The following DLGAP2 variants were observed in gnomAD, a reference collection of about 807,000 sequenced individuals.
DLGAP2 encodes the protein DLG associated protein 2, also known as disks large-associated protein 2.
DLGAP2 carries 26 observed loss-of-function variants against 100.3 expected under a neutral mutation model. That is an observed-to-expected ratio of 0.26 (90% CI 0.19 to 0.36). The LOEUF is 0.36. DLGAP2 is among the 10% of genes least tolerant of loss of function. The probability of loss-of-function intolerance (pLI) is 1.00; values close to 1 mark genes in which losing one functional copy is unlikely to be tolerated. For missense variants in DLGAP2, 1,858 were observed against 1,453.2 expected (o/e 1.28, Z -4.53); for synonymous variants, 886 against 630.1 (o/e 1.41, Z -6.08).
At chr8:1,007,379 A>C (rs546360170) in intron 2 of DLGAP2, among the ~76,000 whole-genome samples, 2 of 152,310 alleles carry the variant, frequency 1.3e-5, no homozygotes, top group South Asian at 4.1e-4. Context: ...AGGGGGAGTG[A>C]AGCAGAAGGA....
In DLGAP2 at chr8:1,007,362, G is replaced by C. The variant is rs183160569; in HGVS notation, c.73+99396G>C. Among the ~76,000 whole-genome samples the C allele has an allele frequency of 3.2e-4, 48 of 152,322 alleles. No individual in the cohort carries two copies. The East Asian group carries it at 9.1e-3, about 29-fold the overall frequency. On this transcript the variant is annotated intron_variant, in intron 2 of 14. Transcript: ENST00000637795. ...CTCACTCTGGTGACTTCTGTGTGCT[G>C]TAACCAAGGGGGAGTGAAGCAGAAG...
intron 3 of DLGAP2, among the ~76,000 whole-genome samples, chr8:1,338,681 G>T (rs566489988): frequency 6.6e-6 from 1 of 152,096 alleles, no homozygotes; most frequent in Non-Finnish European, 1.5e-5. Flanking sequence ...CTAAAGACAC[G>T]ATCTGTACAG....
intron 2 of DLGAP2, among the ~76,000 whole-genome samples, chr8:1,038,129 G>A (rs78779066): frequency 0.017 from 2,585 of 152,260 alleles, 80 homozygotes; most frequent in African/African-American, 0.059. Context: ...ACAAGTGTTC[G>A]TCCCTCTGGA....
rs1025928507 is a variant in DLGAP2 at position 1,260,073 on chromosome 8, C to T, written c.106+1190C>T. 9.9e-5 allele frequency among the ~76,000 whole-genome samples: 15 copies of T among 152,034 alleles called. No individual in the cohort carries two copies. The East Asian group carries it at 2.5e-3, about 25-fold the overall frequency. ...TACAGTCAGGTGGGTGGGGGCTGTT[C>T]CCGGGTGGAGCCTGGGATGCTGGTC... On this transcript the variant is annotated intron_variant, in intron 3 of 14. Coordinates refer to ENST00000637795, the MANE Select transcript of DLGAP2 (RefSeq NM_001346810.2).
chr8:979,919 G>T (rs1376613461), intron 2 of DLGAP2, among the ~76,000 whole-genome samples: 1 of 152,176 alleles, frequency 6.6e-6, no homozygotes, highest in Non-Finnish European at 1.5e-5. Flanking sequence ...CACAGCTGTG[G>T]TAAGAAAGAG....
At chr8:836,761 A>G (rs1796885366) in intron 1 of DLGAP2, among the ~76,000 whole-genome samples, 2 of 152,166 alleles carry the variant, frequency 1.3e-5, no homozygotes. Flanking sequence ...TCATGTGAAC[A>G]CCACGTTAAC....
At chr8:1,687,744 G>A (rs995530850) in intron 12 of DLGAP2, among the ~76,000 whole-genome samples, 1 of 152,162 alleles carries the variant, frequency 6.6e-6, no homozygotes, top group Admixed American at 6.5e-5. Flanking sequence ...ATTTTAAGGG[G>A]AATGTGAAAA....
At chr8:1,028,415 T>C (rs1217096938) in intron 2 of DLGAP2, among the ~76,000 whole-genome samples, 2 of 148,922 alleles carry the variant, frequency 1.3e-5, no homozygotes, top group Admixed American at 6.6e-5. Flanking sequence ...GCGCCCCTTA[T>C]TCTCCAGGTG....
intron 2 of DLGAP2, among the ~76,000 whole-genome samples, chr8:1,227,570 T>C (rs1798448441): frequency 6.6e-6 from 1 of 152,006 alleles, no homozygotes; most frequent in African/African-American, 2.4e-5. Flanking sequence ...CCTGGCTCAC[T>C]GCAAACTCCA....
chr8:1,426,961 A>G (rs1797254559), intron 3 of DLGAP2, among the ~76,000 whole-genome samples: 1 of 152,216 alleles, frequency 6.6e-6, no homozygotes, highest in Non-Finnish European at 1.5e-5. Context: ...ATCAATAAAA[A>G]ATATTGTGTC....
intron 1 of DLGAP2, among the ~76,000 whole-genome samples, chr8:890,554 C>T (rs1489268333): frequency 6.6e-6 from 1 of 151,718 alleles, no homozygotes; most frequent in Admixed American, 6.6e-5. Flanking sequence ...ATGGCGCCTC[C>T]TCCTCCCTTC....
intron 2 of DLGAP2, among the ~76,000 whole-genome samples, chr8:1,091,391 C>G (rs1201826919): frequency 6.6e-6 from 1 of 152,240 alleles, no homozygotes; most frequent in Non-Finnish European, 1.5e-5. Flanking sequence ...GTTTCGCGGC[C>G]TCAGTGGATT....
chr8:1,495,672 A>G (rs935510423), intron 3 of DLGAP2, among the ~76,000 whole-genome samples: 4 of 151,910 alleles, frequency 2.6e-5, no homozygotes, highest in Non-Finnish European at 4.4e-5. Context: ...TGACGTGGAC[A>G]TCTTTGCCTC....
chr8:1,537,672 T>C (rs1328859865), intron 4 of DLGAP2, among the ~76,000 whole-genome samples: 2 of 151,566 alleles, frequency 1.3e-5, no homozygotes, highest in African/African-American at 2.4e-5. Flanking sequence ...TGCCTGTGGC[T>C]TCATGGATGC....
chr8:1,341,226 T>C (rs553092537), intron 3 of DLGAP2, among the ~76,000 whole-genome samples: 7 of 152,276 alleles, frequency 4.6e-5, no homozygotes, highest in African/African-American at 1.7e-4. Context: ...GACCCCTGAA[T>C]GTAAAATCAA....
intron 1 of DLGAP2, among the ~76,000 whole-genome samples, chr8:797,310 G>A (rs1465697964): frequency 6.6e-6 from 1 of 152,208 alleles, no homozygotes; most frequent in African/African-American, 2.4e-5. Context: ...CATAGAGTAT[G>A]TATTTTTTTG....
At chr8:1,313,937 A>T (rs900132900) in intron 3 of DLGAP2, among the ~76,000 whole-genome samples, 1 of 152,100 alleles carries the variant, frequency 6.6e-6, no homozygotes, top group Admixed American at 6.6e-5. Flanking sequence ...ACACAAAATG[A>T]TCACACTTCA....
intron 6 of DLGAP2, among the ~76,000 whole-genome samples, chr8:1,588,435 C>T (rs1796191227): frequency 6.6e-6 from 1 of 152,166 alleles, no homozygotes; most frequent in South Asian, 2.1e-4. Flanking sequence ...ATATGTAATT[C>T]TCCCCAATAG....
intron 2 of DLGAP2, among the ~76,000 whole-genome samples, chr8:984,036 G>T (rs1321584109): frequency 6.6e-6 from 1 of 152,140 alleles, no homozygotes; most frequent in African/African-American, 2.4e-5. Context: ...AATGGTCCTT[G>T]GGTGTGCGGG....
Sources: gnomAD v4.1 joint callset for allele counts (sites outside exome capture counted in the v4.1 genomes callset) on GRCh38, gnomAD v4.1.1 for gene constraint, MANE v1.5 for transcripts, NCBI Gene and HGNC (gene_info 2026-07-23, HGNC 2026-07-21) for gene names.